RPS6KA2: variants seen among roughly 807,000 people sequenced by gnomAD.
RPS6KA2 encodes ribosomal protein S6 kinase A2.
Under a neutral mutation model 91.8 loss-of-function variants are expected in RPS6KA2, and 42 were observed. The ratio of observed to expected loss-of-function variants is 0.46; its 90% CI spans 0.36 to 0.59. The LOEUF is 0.59. Among genes scored for constraint, RPS6KA2 ranks in the 20% least tolerant of loss-of-function variants. The pLI, the probability that RPS6KA2 is intolerant of heterozygous loss-of-function variation, is 0.00. For synonymous variants in RPS6KA2, 414 were observed against 393.6 expected (o/e 1.05, Z -0.61); for missense variants, 798 against 978.5 (o/e 0.82, Z 2.46).
intron 2 of RPS6KA2, among the ~76,000 whole-genome samples, chr6:166,640,127 A>T (rs887534762): frequency 6.6e-6 from 1 of 152,186 alleles, no homozygotes; most frequent in Non-Finnish European, 1.5e-5. Context: ...AAGCCTATAC[A>T]TAAATTATAG....
intron 2 of RPS6KA2, among the ~76,000 whole-genome samples, chr6:166,675,841 G>A (rs1236596930): frequency 6.6e-6 from 1 of 151,980 alleles, no homozygotes; most frequent in African/African-American, 2.4e-5. Flanking sequence ...TGGCTATTGT[G>A]TCATATCTTC....
chr6:166,689,113 G>C lies in RPS6KA2; in HGVS notation c.124-150329C>G, dbSNP rs755855364. On this transcript the variant is annotated intron_variant, in intron 2 of 21. Transcript: ENST00000503859. Reference sequence around the variant, plus strand: ...CACTCGCCCAGGTGAGCAGGGCTCTGGCCGCCCTGTGCCTGGAGGCTGCGC... The same window carrying C: ...CACTCGCCCAGGTGAGCAGGGCTCTCGCCGCCCTGTGCCTGGAGGCTGCGC... 4.3e-4 allele frequency among the ~76,000 whole-genome samples: 65 copies of C among 152,248 alleles called. 1 individual carries two copies. The highest frequency in any genetic ancestry group is 7.9e-4 in the Non-Finnish European group (54 of 68,028).
Position 166,435,582 on chromosome 6 carries a change from CTCCCAGGCTGAGG to C in RPS6KA2, c.1333-3105_1333-3093del, listed in dbSNP as rs1290717496. ...GGGAAATGGAGGAAAATGAAAGAAG[CTCCCAGGCTGAGG>C]TCCTGTGGGGACAGGAGCTCATCTG... On this transcript the variant is annotated intron_variant, in intron 14 of 20. Transcript: ENST00000265678. This position sits in a 1 kb window ranked among gnomAD's most constrained non-coding sequence, Gnocchi z 4.3. 3.9e-5 allele frequency among the ~76,000 whole-genome samples: 6 copies of C among 152,238 alleles called. No individual in the cohort carries two copies. Among genetic ancestry groups the C allele is most frequent in the African/African-American group, 1.4e-4 (6 of 41,466 alleles).
Position 166,830,915 on chromosome 6 carries a change from A to G in RPS6KA2, c.123+27285T>C, listed in dbSNP as rs149127498. 1.6e-3 allele frequency among the ~76,000 whole-genome samples: 245 copies of G among 152,248 alleles called. 6 individuals carry two copies. In the East Asian group the frequency reaches 0.025, roughly 15 times the overall value. ...TTTCCCAGCTCCCCCCTATCAAGCTAGAGCCCTGACCATTAGGCACTCTGG... is the reference window on the plus strand; with the variant it reads ...TTTCCCAGCTCCCCCCTATCAAGCTGGAGCCCTGACCATTAGGCACTCTGG... On this transcript the variant is annotated intron_variant, in intron 2 of 21. Transcript: ENST00000503859.
At chr6:166,746,988 G>A (rs866377620) in intron 2 of RPS6KA2, among the ~76,000 whole-genome samples, 3 of 152,188 alleles carry the variant, frequency 2.0e-5, no homozygotes, top group Admixed American at 6.5e-5. Flanking sequence ...TGGAGCTTCC[G>A]TGCCCTCTGG....
chr6:166,564,895 G>T (rs922716474), intron 1 of RPS6KA2, among the ~76,000 whole-genome samples: 2 of 152,160 alleles, frequency 1.3e-5, no homozygotes, highest in Non-Finnish European at 2.9e-5. Context: ...TTCAGGGAGC[G>T]GGCAGGAGCT....
At chr6:166,659,848 T>C (rs1788111095) in intron 2 of RPS6KA2, among the ~76,000 whole-genome samples, 1 of 152,176 alleles carries the variant, frequency 6.6e-6, no homozygotes, top group Non-Finnish European at 1.5e-5. Flanking sequence ...CAGCATGCGG[T>C]GGTAGCTGCT....
rs1778353181 is a variant in RPS6KA2 at position 166,767,704 on chromosome 6, A to G, written c.123+90496T>C. 6.6e-6 allele frequency among the ~76,000 whole-genome samples: 1 copy of G among 152,042 alleles called. No individual in the cohort carries two copies. Among genetic ancestry groups the G allele is most frequent in the South Asian group, 2.1e-4 (1 of 4,826 alleles). ...TGGGTCACCTCATTATTTTATTTGC[A>G]TATCAGGTTACCTGACAAAAGAACA... On this transcript the variant is annotated intron_variant, in intron 2 of 21. Coordinates refer to the RPS6KA2 transcript ENST00000503859. The surrounding 1 kb of genome is among the most constrained non-coding windows in gnomAD (Gnocchi z 4.6).
chr6:166,520,366 C>T (rs2128487368), intron 3 of RPS6KA2, among the ~76,000 whole-genome samples: 1 of 152,286 alleles, frequency 6.6e-6, no homozygotes, highest in East Asian at 1.9e-4. Flanking sequence ...GGAACTTATG[C>T]CACCAGCTCT....
chr6:166,708,296 A>G lies in RPS6KA2; in HGVS notation c.123+149904T>C, dbSNP rs573235484. ...TTTTTGCATAAAGGAACATAAAACT[A>G]TTTATTGACCACTCTTCACAAGTAT... On this transcript the variant is annotated intron_variant, in intron 2 of 21. Coordinates refer to the RPS6KA2 transcript ENST00000503859. Among the ~76,000 whole-genome samples the G allele has an allele frequency of 5.9e-5, 9 of 152,324 alleles. No individual in the cohort carries two copies. In the South Asian group the frequency reaches 1.9e-3, roughly 32 times the overall value.
intron 2 of RPS6KA2, among the ~76,000 whole-genome samples, chr6:166,748,051 TC>T (rs979344982): frequency 2.0e-4 from 30 of 152,172 alleles, no homozygotes; most frequent in African/African-American, 7.2e-4. Context: ...GTCTCATTTG[TC>T]CCGAGGGCAA....
chr6:166,551,429 C>A (rs1784019975), intron 1 of RPS6KA2, among the ~76,000 whole-genome samples: 1 of 152,182 alleles, frequency 6.6e-6, no homozygotes, highest in African/African-American at 2.4e-5. Flanking sequence ...ATGTGGCAGC[C>A]CCTGCTCTGT....
At position 166,732,059 on chromosome 6, in the gene RPS6KA2, TG is replaced by T. The variant is rs755539840; in HGVS notation, c.123+126140del. 1.1e-3 allele frequency among the ~76,000 whole-genome samples: 170 copies of T among 152,260 alleles called. No homozygotes were observed. Among genetic ancestry groups the T allele is most frequent in the Non-Finnish European group, 1.5e-3 (99 of 68,020 alleles). The stretch of plus-strand genomic sequence containing the variant: ...CTGAGGAGACGGGAAGGGATGGGAT[TG>T]GGGAGAAATAACAAAACTGGAATAC... On this transcript the variant is annotated intron_variant, in intron 2 of 21. Coordinates refer to the RPS6KA2 transcript ENST00000503859. This position sits in a 1 kb window ranked among gnomAD's most constrained non-coding sequence, Gnocchi z 4.0.
At chr6:166,443,303 C>T (rs547694558) in intron 14 of RPS6KA2, among the ~76,000 whole-genome samples, 11 of 152,264 alleles carry the variant, frequency 7.2e-5, no homozygotes, top group South Asian at 6.2e-4. Flanking sequence ...ACCTGGGGTA[C>T]GTATCATGCA....
At chr6:166,709,110 C>T (rs187728627) in intron 2 of RPS6KA2, among the ~76,000 whole-genome samples, 4 of 152,294 alleles carry the variant, frequency 2.6e-5, no homozygotes, top group South Asian at 4.1e-4. Context: ...GCCTCTTATC[C>T]GGGTTGTGCC....
intron 2 of RPS6KA2, among the ~76,000 whole-genome samples, chr6:166,699,031 G>A (rs1789433945): frequency 6.6e-6 from 1 of 152,194 alleles, no homozygotes; most frequent in Non-Finnish European, 1.5e-5. Context: ...TAGCAGGCAT[G>A]GTAGTGATGA....
rs141826427 is a variant in RPS6KA2, at chr6:166,733,171, A to G, written c.123+125029T>C. ...TTTGAGCCTTCAGAACATGATATCAAATTATACTTGGATGTCACATTATCG... is the reference window on the plus strand; with the variant it reads ...TTTGAGCCTTCAGAACATGATATCAGATTATACTTGGATGTCACATTATCG... On this transcript the variant is annotated intron_variant, in intron 2 of 21. Transcript: ENST00000503859. This position sits in a 1 kb window ranked among gnomAD's most constrained non-coding sequence, Gnocchi z 4.1. Among the ~76,000 whole-genome samples, 6 of 152,268 alleles carry G rather than the reference A, an allele frequency of 3.9e-5. No homozygotes were observed. Among genetic ancestry groups the G allele is most frequent in the African/African-American group, 1.2e-4 (5 of 41,538 alleles).
At chr6:166,676,253 G>T (rs1788616122) in intron 2 of RPS6KA2, among the ~76,000 whole-genome samples, 1 of 151,224 alleles carries the variant, frequency 6.6e-6, no homozygotes. Flanking sequence ...GGAGGCGGAG[G>T]TTGCAGTGAA....
rs1277381595 is a variant in RPS6KA2, at chr6:166,755,467, G to GTTTT, written c.123+102732_123+102733insAAAA. On this transcript the variant is annotated intron_variant, in intron 2 of 21. Transcript: ENST00000503859. ...GAGATGTGTTTACCTACACAACTGG[G>GTTTT]GTTTATTTATTTATTTATTTATTTT... Among the ~76,000 whole-genome samples the GTTTT allele has an allele frequency of 2.0e-5, 3 of 150,240 alleles. No individual in the cohort carries two copies. The East Asian group carries it at 6.2e-4, about 31-fold the overall frequency.
Sources: allele counts gnomAD v4.1 joint callset (sites outside exome capture counted in the v4.1 genomes callset), GRCh38; gene constraint gnomAD v4.1.1; non-coding constraint Gnocchi (gnomAD v3.1); transcripts MANE v1.5; gene names NCBI Gene and HGNC (gene_info 2026-07-23, HGNC 2026-07-21).